The following FHIT variants were observed in gnomAD, a reference collection of about 807,000 sequenced individuals.
FHIT encodes the protein bis(5'-adenosyl)-triphosphatase.
FHIT carries 19 observed loss-of-function variants against 17.9 expected under a neutral mutation model. The ratio of observed to expected loss-of-function variants is 1.06; its 90% CI spans 0.74 to 1.56. The LOEUF (loss-of-function observed/expected upper bound fraction) is 1.56. Ranked by LOEUF, FHIT falls within the 40% of genes most tolerant of loss-of-function variation. FHIT has a pLI of 0.00. For missense variants in FHIT, 248 were observed against 189.2 expected (o/e 1.31, Z -1.82); for synonymous variants, 81 against 69.7 (o/e 1.16, Z -0.81).
intron 2 of FHIT, among the ~76,000 whole-genome samples, chr3:61,181,827 G>A (rs1362228408): frequency 1.3e-5 from 2 of 152,000 alleles, no homozygotes; most frequent in Non-Finnish European, 2.9e-5. Flanking sequence ...AAATGGTTCA[G>A]GAATAGATTC....
chr3:59,935,407 G>A (rs62238349), intron 7 of FHIT, among the ~76,000 whole-genome samples: 10,397 of 152,014 alleles, frequency 0.068, 471 homozygotes, highest in South Asian at 0.13. Flanking sequence ...ATGCTCAAAT[G>A]CCACCTCCTT....
chr3:61,119,584 C>T (rs2036397480), intron 2 of FHIT, among the ~76,000 whole-genome samples: 1 of 152,120 alleles, frequency 6.6e-6, no homozygotes, highest in Non-Finnish European at 1.5e-5. Flanking sequence ...AACATTGCTT[C>T]TGGGTGTGTC....
chr3:59,988,265 T>G (rs1709074767), intron 7 of FHIT, among the ~76,000 whole-genome samples: 1 of 152,038 alleles, frequency 6.6e-6, no homozygotes, highest in South Asian at 2.1e-4. Context: ...ATATCTGATT[T>G]TACCTTTTAA....
intron 4 of FHIT, among the ~76,000 whole-genome samples, chr3:60,796,057 A>G (rs562072023): frequency 1.3e-5 from 2 of 152,294 alleles, no homozygotes; most frequent in African/African-American, 4.8e-5. Flanking sequence ...AGTAGGAAGC[A>G]AAAGCAGAAA....
chr3:59,773,017 T>C (rs1702143245), intron 8 of FHIT, among the ~76,000 whole-genome samples: 1 of 152,254 alleles, frequency 6.6e-6, no homozygotes, highest in African/African-American at 2.4e-5. Flanking sequence ...CCACAAGTCC[T>C]CTTTTTCCTA....
At position 60,451,648 on chromosome 3, in the gene FHIT, C is replaced by T. The variant is rs75102270; in HGVS notation, c.103+85212G>A. 6.8e-3 allele frequency among the ~76,000 whole-genome samples: 1,033 copies of T among 152,160 alleles called. 9 individuals carry two copies. The highest frequency in any genetic ancestry group is 0.022 in the African/African-American group (911 of 41,504). On this transcript the variant is annotated intron_variant, in intron 5 of 9. Transcript: ENST00000492590. ...TCCCAAGAAAGAATATAAGTATCTA[C>T]GGAAAATCTCATTTTGCACAAAGAT...
At chr3:59,900,382 C>T (rs1420439138) in intron 8 of FHIT, among the ~76,000 whole-genome samples, 1 of 152,170 alleles carries the variant, frequency 6.6e-6, no homozygotes, top group Non-Finnish European at 1.5e-5. Context: ...AAATCAAAGT[C>T]CACAGATGAT....
intron 1 of FHIT, among the ~76,000 whole-genome samples, chr3:61,213,638 G>A (rs561198978): frequency 2.0e-5 from 3 of 152,272 alleles, no homozygotes; most frequent in East Asian, 3.9e-4. Flanking sequence ...ATTGAACTCA[G>A]CTCTGCACCA....
At chr3:60,569,162 G>C (rs1003699429) in intron 4 of FHIT, among the ~76,000 whole-genome samples, 1 of 152,014 alleles carries the variant, frequency 6.6e-6, no homozygotes, top group Non-Finnish European at 1.5e-5. Context: ...GTTTGACATA[G>C]ACCAAGGTAA....
intron 5 of FHIT, among the ~76,000 whole-genome samples, chr3:60,293,037 A>G (rs1341070985): frequency 2.0e-5 from 3 of 152,322 alleles, no homozygotes; most frequent in Non-Finnish European, 2.9e-5. Context: ...CCTGATGCCA[A>G]TACATATAGT....
intron 4 of FHIT, among the ~76,000 whole-genome samples, chr3:60,628,425 T>C (rs2039350614): frequency 6.9e-6 from 1 of 145,778 alleles, no homozygotes; most frequent in African/African-American, 2.4e-5. Context: ...TTTATCTCTT[T>C]CTCTGATATT....
intron 5 of FHIT, among the ~76,000 whole-genome samples, chr3:60,533,255 G>A (rs1342858605): frequency 6.6e-6 from 1 of 152,166 alleles, no homozygotes; most frequent in Non-Finnish European, 1.5e-5. Flanking sequence ...CTTGGCCTTG[G>A]GGATGGGAAA....
chr3:60,256,716 G>A (rs1706013202), intron 5 of FHIT, among the ~76,000 whole-genome samples: 1 of 152,114 alleles, frequency 6.6e-6, no homozygotes, highest in Non-Finnish European at 1.5e-5. Flanking sequence ...CCACACCTCT[G>A]TGCCATCCCA....
chr3:60,431,833 C>A (rs1343160005), intron 5 of FHIT, among the ~76,000 whole-genome samples: 3 of 152,050 alleles, frequency 2.0e-5, no homozygotes, highest in Admixed American at 6.6e-5. Flanking sequence ...TTTATGGCCA[C>A]CCTGAGACAA....
At chr3:59,928,303 T>C (rs62238344) in intron 7 of FHIT, among the ~76,000 whole-genome samples, 24,048 of 152,270 alleles carry the variant, frequency 0.16, 2,190 homozygotes, top group Middle Eastern at 0.26. Context: ...ATTAAGGTTA[T>C]TAAGCAGCTG....
At chr3:60,808,698 A>C (rs1319928636) in intron 4 of FHIT, among the ~76,000 whole-genome samples, 1 of 152,220 alleles carries the variant, frequency 6.6e-6, no homozygotes, top group African/African-American at 2.4e-5. Flanking sequence ...GTTGTTTCCA[A>C]GTTACTTTCC....
At chr3:60,577,211 G>A (rs1284547341) in intron 4 of FHIT, among the ~76,000 whole-genome samples, 1 of 151,730 alleles carries the variant, frequency 6.6e-6, no homozygotes, top group Admixed American at 6.6e-5. Flanking sequence ...AATTAACACT[G>A]AGCTAGTTCA....
At chr3:60,618,456 C>A (rs1229878826) in intron 4 of FHIT, among the ~76,000 whole-genome samples, 1 of 152,002 alleles carries the variant, frequency 6.6e-6, no homozygotes, top group Non-Finnish European at 1.5e-5. Flanking sequence ...TCCAACAGGC[C>A]CCAGTGTGTG....
At chr3:59,862,361 C>T (rs527416279) in intron 8 of FHIT, among the ~76,000 whole-genome samples, 23 of 152,316 alleles carry the variant, frequency 1.5e-4, no homozygotes, top group South Asian at 4.1e-4. Context: ...GTCCCTCCCA[C>T]GACACATGGG....
Sources: allele counts gnomAD v4.1 joint callset (sites outside exome capture counted in the v4.1 genomes callset), GRCh38; gene constraint gnomAD v4.1.1; transcripts MANE v1.5; gene names NCBI Gene and HGNC (gene_info 2026-07-23, HGNC 2026-07-21).